FOXN2: variants seen among roughly 807,000 people sequenced by gnomAD.
The protein encoded by FOXN2 is forkhead box N2, also known as forkhead box protein N2.
A neutral mutation model predicts 41.2 loss-of-function variants in FOXN2; 19 were observed. That is an observed-to-expected ratio of 0.46 (90% CI 0.32 to 0.68). The LOEUF is 0.68. Ranked by LOEUF, FOXN2 falls within the 30% of genes least tolerant of loss-of-function variation. The pLI is 0.03. For synonymous variants in FOXN2, 195 were observed against 176.8 expected (o/e 1.10, Z -0.82); for missense variants, 587 against 509.4 (o/e 1.15, Z -1.47).
chr2:48,372,922 CAA>C (rs372780873), intron 5 of FOXN2, among the ~76,000 whole-genome samples: 63 of 107,424 alleles, frequency 5.9e-4, no homozygotes, highest in Admixed American at 6.8e-4. Context: ...AGTAAAAATG[CAA>C]AAAAAAAAAA....
At chr2:48,339,765 C>T (rs1670617013) in intron 2 of FOXN2, among the ~76,000 whole-genome samples, 1 of 152,130 alleles carries the variant, frequency 6.6e-6, no homozygotes, top group Non-Finnish European at 1.5e-5. Context: ...GACATATGTT[C>T]AACTTTTAGA....
chr2:48,355,058 T>A (rs966137129), intron 3 of FOXN2, among the ~76,000 whole-genome samples: 3 of 152,154 alleles, frequency 2.0e-5, no homozygotes, highest in Admixed American at 2.0e-4. Context: ...ATATTCTGAT[T>A]TCTCCCCTAG....
At chr2:48,351,962 T>C (rs1671477110) in intron 3 of FOXN2, among the ~76,000 whole-genome samples, 1 of 152,168 alleles carries the variant, frequency 6.6e-6, no homozygotes, top group African/African-American at 2.4e-5. Flanking sequence ...AGGCATATTC[T>C]CTGTTGGTGA....
rs1342020675 is a variant in FOXN2 at position 48,346,252 on chromosome 2, C to A, written c.38C>A (p.Ala13Asp). 6 of 1,613,280 alleles carry A rather than the reference C, an allele frequency of 3.7e-6. No homozygotes were observed. Among genetic ancestry groups the A allele is most frequent in the Non-Finnish European group, 5.1e-6 (6 of 1,179,802 alleles). The change falls in exon 3 of 7, where the codon GCT becomes GAT. Residue 13 changes from alanine to aspartate, a missense_variant. By Grantham distance (126) the Ala-to-Asp change is moderately radical. Coordinates refer to ENST00000340553, the MANE Select transcript of FOXN2 (RefSeq NM_002158.4). ...ATTGGAATGACTCCAGATAAGAGAG[C>A]TGAAACCCCAGGAGCTGAAAAGATT... ...PVIGMTPDKR[A>D]ETPGAEKIAG...
chr2:48,322,871 C>T lies in FOXN2; in HGVS notation c.-156-5690C>T, dbSNP rs558085771. On this transcript the variant is annotated intron_variant, in intron 1 of 6. Coordinates refer to ENST00000340553, the MANE Select transcript of FOXN2 (RefSeq NM_002158.4). Reference sequence around the variant, plus strand: ...TCTTTGAGCATCTCTTTCAGACTTGCTTTTATTGTTTATAGGGATGTTATT... The same window carrying T: ...TCTTTGAGCATCTCTTTCAGACTTGTTTTTATTGTTTATAGGGATGTTATT... Among the ~76,000 whole-genome samples the T allele has an allele frequency of 1.3e-4, 19 of 148,452 alleles. 1 individual carries two copies. In the South Asian group the frequency reaches 3.8e-3, roughly 29 times the overall value.
intron 2 of FOXN2, among the ~76,000 whole-genome samples, chr2:48,333,640 A>C (rs981732156): frequency 2.6e-5 from 4 of 152,188 alleles, no homozygotes; most frequent in African/African-American, 9.6e-5. Context: ...ATTCTAATGA[A>C]ATTTACCTGG....
At chr2:48,369,880 G>A (rs1672775233) in intron 5 of FOXN2, among the ~76,000 whole-genome samples, 1 of 152,036 alleles carries the variant, frequency 6.6e-6, no homozygotes, top group East Asian at 1.9e-4. Flanking sequence ...CATGCCTGTG[G>A]TCCCAGCTAC....
intron 3 of FOXN2, among the ~76,000 whole-genome samples, chr2:48,353,315 A>G (rs1389744605): frequency 2.6e-5 from 4 of 151,986 alleles, no homozygotes; most frequent in African/African-American, 9.7e-5. Flanking sequence ...TTGTTCCTCT[A>G]TCTACACTGC....
intron 2 of FOXN2, among the ~76,000 whole-genome samples, chr2:48,331,340 G>C (rs1378810250): frequency 6.6e-6 from 1 of 150,538 alleles, no homozygotes; most frequent in Non-Finnish European, 1.5e-5. Context: ...AGGACTCTAA[G>C]AACTATAGTA....
At chr2:48,370,370 T>C (rs982308423) in intron 5 of FOXN2, among the ~76,000 whole-genome samples, 7 of 152,228 alleles carry the variant, frequency 4.6e-5, no homozygotes, top group Admixed American at 4.6e-4. Flanking sequence ...GGATGTGGCA[T>C]GTGGGCATCA....
intron 2 of FOXN2, among the ~76,000 whole-genome samples, chr2:48,334,581 A>T (rs1166559305): frequency 1.3e-5 from 2 of 152,198 alleles, no homozygotes; most frequent in African/African-American, 4.8e-5. Context: ...ATAAAATAAA[A>T]TCTTAAATGC....
At chr2:48,345,907 T>TG (rs1443663339) in intron 2 of FOXN2, among the ~76,000 whole-genome samples, 3 of 152,164 alleles carry the variant, frequency 2.0e-5, no homozygotes, top group Non-Finnish European at 2.9e-5. Flanking sequence ...GTGATTAGTG[T>TG]GGGCTAGGTA....
intron 2 of FOXN2, 131 bp from the exon 3 acceptor site, chr2:48,346,070 G>A (rs1671077249): frequency 2.9e-6 from 2 of 696,924 alleles, no homozygotes; most frequent in East Asian, 5.3e-5. Context: ...TACAAATGTT[G>A]TGCTTAAATA....
chr2:48,375,670 A>C lies in FOXN2; in HGVS notation c.*227A>C. 2.5e-6 allele frequency: 1 copy of C among 395,220 alleles called. No individual in the cohort carries two copies. The highest frequency in any genetic ancestry group is 4.5e-6 in the Non-Finnish European group (1 of 221,506). 24.5% of individuals were successfully genotyped at this position (395,220 alleles called of 1,614,324 possible). On this transcript the variant is annotated 3_prime_UTR_variant, in exon 7 of 7. Transcript: ENST00000340553. ...GTCCTAAAAGCATAATTTTTGTGATAAATGTGTCCAAGATTTGAAAATTTT... is the reference window on the plus strand; with the variant it reads ...GTCCTAAAAGCATAATTTTTGTGATCAATGTGTCCAAGATTTGAAAATTTT...
intron 3 of FOXN2, among the ~76,000 whole-genome samples, chr2:48,351,171 A>G (rs1027885067): frequency 2.0e-5 from 3 of 152,092 alleles, no homozygotes; most frequent in African/African-American, 7.2e-5. Context: ...CATGCTGCCC[A>G]GGCTGGTCTC....
intron 3 of FOXN2, among the ~76,000 whole-genome samples, chr2:48,356,663 C>T (rs1229022976): frequency 6.6e-6 from 1 of 152,062 alleles, no homozygotes; most frequent in Non-Finnish European, 1.5e-5. Context: ...GCCATTTTGC[C>T]TTCTTTTTGG....
intron 2 of FOXN2, among the ~76,000 whole-genome samples, chr2:48,338,110 C>G (rs1670485704): frequency 6.6e-6 from 1 of 152,190 alleles, no homozygotes; most frequent in Non-Finnish European, 1.5e-5. Context: ...ACCCTATACA[C>G]TGTTATAATA....
At chr2:48,343,002 T>G (rs892189794) in intron 2 of FOXN2, among the ~76,000 whole-genome samples, 4 of 152,244 alleles carry the variant, frequency 2.6e-5, no homozygotes, top group African/African-American at 9.6e-5. Context: ...AAATTACTTA[T>G]GAGAAAATTT....
Position 48,362,657 on chromosome 2 carries a change from C to G in FOXN2, c.653C>G (p.Pro218Arg). ...TTGTTTTTCAGTGGTTCTTTATCAC[C>G]TCACTATTTAAGCTCTGTAATCAAG... ...SASSQNGSLS[P>R]HYLSSVIKQN... The change falls in exon 5 of 7, where the codon CCT (proline) becomes CGT (arginine). Residue 218 changes from proline (P) to arginine (R), a missense_variant. Pro to Arg is a moderately radical substitution (Grantham distance 103). Transcript: ENST00000340553. 6.2e-7 allele frequency: 1 copy of G among 1,613,802 alleles called. No individual in the cohort carries two copies. The highest frequency in any genetic ancestry group is 8.5e-7 in the Non-Finnish European group (1 of 1,179,840).
Sources: allele counts gnomAD v4.1 joint callset (sites outside exome capture counted in the v4.1 genomes callset), GRCh38; gene constraint gnomAD v4.1.1; transcripts MANE v1.5; gene names NCBI Gene and HGNC (gene_info 2026-07-23, HGNC 2026-07-21).